Variants in SPEF2 observed in about 807,000 individuals in gnomAD.
SPEF2 encodes sperm flagella and cilia-associated protein 2.
A neutral mutation model predicts 224.6 loss-of-function variants in SPEF2; 187 were observed. The ratio of observed to expected loss-of-function variants is 0.83; its 90% CI spans 0.74 to 0.94. SPEF2 has a LOEUF of 0.94. SPEF2 is among the 40% of genes least tolerant of loss of function. The pLI, the probability that SPEF2 is intolerant of heterozygous loss-of-function variation, is 0.00. For synonymous variants in SPEF2, 715 were observed against 707.3 expected (o/e 1.01, Z -0.17); for missense variants, 2,170 against 2,135.6 (o/e 1.02, Z -0.32).
rs769441753 is a variant in SPEF2 at position 35,694,326 on chromosome 5, T to C, written c.1938T>C (p.Asp646=). ...TATTTTCAGCTGGTCCAGTTTCAGA[T>C]GAAGTATTACCAGAAACAGAAGGTG... The part of the protein sequence containing the change: ...QHVFSAGPVS[D]EVLPETEGET... The change falls in exon 13 of 37, where the codon GAT becomes GAC. Residue 646 remains aspartate, a synonymous_variant. Transcript: ENST00000356031. 6.2e-7 allele frequency: 1 copy of C among 1,613,494 alleles called. No individual in the cohort carries two copies. The highest frequency in any genetic ancestry group is 2.2e-5 in the East Asian group (1 of 44,840).
chr5:35,746,792 T>C (rs1748611233), intron 23 of SPEF2, among the ~76,000 whole-genome samples: 1 of 152,110 alleles, frequency 6.6e-6, no homozygotes, highest in South Asian at 2.1e-4. Flanking sequence ...GCTAGAGACC[T>C]AAACATTCAA....
rs747378747 is a variant in SPEF2, at chr5:35,793,139, T to C, written c.4555-20T>C. Reference sequence around the variant, plus strand: ...TAGATTCATGTAGATATTCCAAAGATATTTCCTGTTTTCTTCTAGTTACAG... The same window carrying C: ...TAGATTCATGTAGATATTCCAAAGACATTTCCTGTTTTCTTCTAGTTACAG... On this transcript the variant is annotated intron_variant, in intron 31 of 36. Coordinates refer to ENST00000356031, the MANE Select transcript of SPEF2 (RefSeq NM_024867.4). 5 of 1,607,230 alleles carry C rather than the reference T, an allele frequency of 3.1e-6. No individual in the cohort carries two copies. The African/African-American group carries it at 6.7e-5, about 21-fold the overall frequency.
At chr5:35,805,919 A>G (rs992086564) in intron 34 of SPEF2, among the ~76,000 whole-genome samples, 1 of 152,152 alleles carries the variant, frequency 6.6e-6, no homozygotes, top group African/African-American at 2.4e-5. Context: ...TACATTGCAG[A>G]AATAGAGTTT....
chr5:35,709,511 C>G lies in SPEF2; in HGVS notation c.2839+390C>G, dbSNP rs565233193. On this transcript the variant is annotated intron_variant, in intron 19 of 36. Transcript: ENST00000356031. The stretch of plus-strand genomic sequence containing the variant: ...CTTAATAAAATAAGAATGAGTATAG[C>G]TGGTTTTCCACCAGAATAAGGGAAC... 1.0e-5 allele frequency: 10 copies of G among 990,550 alleles called. No individual in the cohort carries two copies. In the East Asian group the frequency reaches 1.1e-3, roughly 111 times the overall value. 61.4% of individuals were successfully genotyped at this position (990,550 alleles called of 1,614,324 possible).
chr5:35,683,261 GGTGGATACTATGGTTCCAGGAATTCA>G (rs1366008988), intron 10 of SPEF2, among the ~76,000 whole-genome samples: 1 of 152,086 alleles, frequency 6.6e-6, no homozygotes, highest in Non-Finnish European at 1.5e-5. Context: ...CCATAAAAAT[GGTGGATACTATGGTTCCAGGAATTCA>G]GAATTCAAGT....
intron 30 of SPEF2, chr5:35,789,746 T>C (rs755218252): frequency 5.8e-6 from 4 of 695,090 alleles, no homozygotes; most frequent in South Asian, 3.0e-5. Context: ...TATTCTCCCA[T>C]GGTCTGTGTG....
intron 19 of SPEF2, chr5:35,710,153 A>G (rs957912512): frequency 1.0e-6 from 1 of 985,092 alleles, no homozygotes; most frequent in African/African-American, 1.7e-5. Flanking sequence ...CAACAATAAA[A>G]CACAAAGACA....
rs1749387115 is a variant in SPEF2 at position 35,751,024 on chromosome 5, CGTATATATAT to C, written c.3331-2599_3331-2590del. On this transcript the variant is annotated intron_variant, in intron 23 of 36. Coordinates refer to ENST00000356031, the MANE Select transcript of SPEF2 (RefSeq NM_024867.4). ...ATATATATATATACGTATATATATA[CGTATATATAT>C]ACACATATGTATATATATATACGTA... 5.8e-5 allele frequency among the ~76,000 whole-genome samples: 5 copies of C among 85,676 alleles called. No homozygotes were observed. The South Asian group carries it at 1.6e-3, about 28-fold the overall frequency. 56.2% of individuals were successfully genotyped at this position (85,676 alleles called of 152,430 possible).
At chr5:35,759,417 A>G in intron 24 of SPEF2, 151 bp from the exon 25 acceptor site, 4 of 607,908 alleles carry the variant, frequency 6.6e-6, no homozygotes, top group Non-Finnish European at 1.1e-5. Flanking sequence ...AATCTTAGAT[A>G]TAGACTTGTA....
At chr5:35,641,140 G>A (rs1449459615) in intron 2 of SPEF2, among the ~76,000 whole-genome samples, 1 of 152,130 alleles carries the variant, frequency 6.6e-6, no homozygotes, top group East Asian at 1.9e-4. Context: ...AGTATATCAA[G>A]TTTAGGTGTT....
chr5:35,727,527 T>C (rs1021673985), intron 20 of SPEF2, 148 bp from the exon 21 acceptor site: 9 of 598,706 alleles, frequency 1.5e-5, no homozygotes, highest in Non-Finnish European at 2.0e-5. Flanking sequence ...CTGTGGAGAA[T>C]AAGGATTTTT....
intron 1 of SPEF2, among the ~76,000 whole-genome samples, chr5:35,622,363 TA>T (rs1743648373): frequency 6.6e-6 from 1 of 152,162 alleles, no homozygotes; most frequent in African/African-American, 2.4e-5. Flanking sequence ...CATAGAGATA[TA>T]AAAAAATCCC....
In SPEF2 at chr5:35,712,834, A is replaced by G; in HGVS notation, c.2862A>G (p.Glu954=). The change falls in exon 20 of 37, where the codon GAA becomes GAG. Residue 954 remains glutamate, a synonymous_variant. Coordinates refer to ENST00000356031, the MANE Select transcript of SPEF2 (RefSeq NM_024867.4). The part of the protein sequence containing the change: ...PQSEAPHGKQ[E]SLQEGKGKKG... ...TAGAAGCCCCGCATGGTAAGCAAGAATCTCTTCAGGAAGGAAAAGGGAAGA... is the reference window on the plus strand; with the variant it reads ...TAGAAGCCCCGCATGGTAAGCAAGAGTCTCTTCAGGAAGGAAAAGGGAAGA... 6.2e-7 allele frequency: 1 copy of G among 1,613,968 alleles called. No homozygotes were observed.
At chr5:35,714,821 G>A (rs1401069540) in intron 20 of SPEF2, among the ~76,000 whole-genome samples, 3 of 151,644 alleles carry the variant, frequency 2.0e-5, no homozygotes, top group Admixed American at 2.0e-4. Flanking sequence ...AAATGCCTAT[G>A]GCTTTATCCA....
Position 35,667,277 on chromosome 5 carries a change from A to G in SPEF2, c.1355+18A>G. On this transcript the variant is annotated intron_variant, in intron 9 of 36. Transcript: ENST00000356031. The stretch of plus-strand genomic sequence containing the variant: ...ACAAATAAGTAAGTATTTTTTTTGT[A>G]ATAACAGTAGAGACACGATAGAGAA... 1 of 1,581,928 alleles carries G rather than the reference A, an allele frequency of 6.3e-7. No homozygotes were observed.
At chr5:35,790,490 C>T in intron 30 of SPEF2, 1 of 427,968 alleles carries the variant, frequency 2.3e-6, no homozygotes, top group Non-Finnish European at 4.1e-6. Context: ...AGTAACTTCT[C>T]TTCACATCAA....
At chr5:35,731,320 T>G (rs1745603502) in intron 21 of SPEF2, among the ~76,000 whole-genome samples, 1 of 152,192 alleles carries the variant, frequency 6.6e-6, no homozygotes, top group African/African-American at 2.4e-5. Flanking sequence ...TTAGAACTGA[T>G]TTGTATTCAG....
chr5:35,764,499 G>T (rs890863622), intron 26 of SPEF2: 6 of 449,604 alleles, frequency 1.3e-5, no homozygotes, highest in Non-Finnish European at 2.7e-5. Context: ...GATACACACA[G>T]AATTTAACTC....
At chr5:35,793,806 G>T (rs1165623368) in intron 32 of SPEF2, among the ~76,000 whole-genome samples, 2 of 152,022 alleles carry the variant, frequency 1.3e-5, no homozygotes, top group Middle Eastern at 3.4e-3. Context: ...GGGTGAGAGG[G>T]TGATGAATGA....
Sources: allele counts gnomAD v4.1 joint callset (sites outside exome capture counted in the v4.1 genomes callset), GRCh38; gene constraint gnomAD v4.1.1; transcripts MANE v1.5; gene names NCBI Gene and HGNC (gene_info 2026-07-23, HGNC 2026-07-21).